FOXN4: variants seen among roughly 807,000 people sequenced by gnomAD.
The protein encoded by FOXN4 is forkhead box protein N4.
A neutral mutation model predicts 45.0 loss-of-function variants in FOXN4; 12 were observed. The ratio of observed to expected loss-of-function variants is 0.27; its 90% CI spans 0.17 to 0.43. The LOEUF (loss-of-function observed/expected upper bound fraction) is 0.43. Ranked by LOEUF, FOXN4 falls within the 20% of genes least tolerant of loss-of-function variation. The pLI, the probability that FOXN4 is intolerant of heterozygous loss-of-function variation, is 1.00. For missense variants in FOXN4, 560 were observed against 694.9 expected (o/e 0.81, Z 2.18); for synonymous variants, 297 against 295.0 (o/e 1.01, Z -0.07).
chr12:109,279,489 G>C lies in FOXN4; in HGVS notation c.*182C>G, dbSNP rs1432392435. On this transcript the variant is annotated 3_prime_UTR_variant, in exon 10 of 10. Coordinates refer to ENST00000299162, the MANE Select transcript of FOXN4 (RefSeq NM_213596.3). ...GAAACTGCTCCGGAAGCTCCAGGGGGAGGCACGAGAAGGAGAGGGGCTGCT... is the reference window on the plus strand; with the variant it reads ...GAAACTGCTCCGGAAGCTCCAGGGGCAGGCACGAGAAGGAGAGGGGCTGCT... 1 of 858,460 alleles carries C rather than the reference G, an allele frequency of 1.2e-6. No individual in the cohort carries two copies. The highest frequency in any genetic ancestry group is 1.7e-6 in the Non-Finnish European group (1 of 571,690). The allele number at this position is 858,460 out of a possible 1,614,324, so 53.2% of individuals were successfully genotyped here.
chr12:109,289,664 T>C (rs1405366355), intron 3 of FOXN4, among the ~76,000 whole-genome samples: 1 of 152,228 alleles, frequency 6.6e-6, no homozygotes, highest in African/African-American at 2.4e-5. Flanking sequence ...CTCAGCACTT[T>C]CCACACATTA....
At position 109,281,949 on chromosome 12, in the gene FOXN4, GAC is replaced by G. The variant is rs1484427388; in HGVS notation, c.902-152_902-151del. 2.6e-5 allele frequency: 23 copies of G among 898,412 alleles called. No homozygotes were observed. The African/African-American group carries it at 3.7e-4, about 14-fold the overall frequency. The allele number at this position is 898,412 out of a possible 1,614,324, so 55.7% of individuals were successfully genotyped here. The stretch of plus-strand genomic sequence containing the variant: ...ACCTCTGTCTCCTCACCTATGAAAT[GAC>G]ACAGGCATCATCTCATCTCACAACT... On this transcript the variant is annotated intron_variant, in intron 8 of 9. Transcript: ENST00000299162.
chr12:109,301,905 A>T (rs1338649103), intron 2 of FOXN4, among the ~76,000 whole-genome samples: 1 of 152,144 alleles, frequency 6.6e-6, no homozygotes, highest in Admixed American at 6.5e-5. Flanking sequence ...GCCCCAACAT[A>T]TCTTGCATTC....
intron 2 of FOXN4, among the ~76,000 whole-genome samples, chr12:109,307,891 G>T (rs866875593): frequency 1.3e-5 from 2 of 152,080 alleles, no homozygotes; most frequent in South Asian, 2.1e-4. Flanking sequence ...GGCAGGGGGT[G>T]GGGGAGCATT....
intron 6 of FOXN4, 122 bp from the exon 7 acceptor site, chr12:109,286,866 ACACT>A: frequency 4.8e-6 from 7 of 1,447,970 alleles, no homozygotes; most frequent in Non-Finnish European, 6.3e-6. Flanking sequence ...TTGACCCTAA[ACACT>A]CACACACAGT....
At position 109,279,287 on chromosome 12, in the gene FOXN4, G is replaced by A. The variant is rs1565995750; in HGVS notation, c.*384C>T. Reference sequence around the variant, plus strand: ...CCAGGGTGTTTCCTTAATGCACCAAGGTGTCCCAAAATGGGGTGCAGGTCA... The same window carrying A: ...CCAGGGTGTTTCCTTAATGCACCAAAGTGTCCCAAAATGGGGTGCAGGTCA... On this transcript the variant is annotated 3_prime_UTR_variant, in exon 10 of 10. Transcript: ENST00000299162. 7.0e-6 allele frequency: 2 copies of A among 283,828 alleles called. No individual in the cohort carries two copies. The highest frequency in any genetic ancestry group is 1.4e-5 in the Non-Finnish European group (2 of 146,712). 17.6% of individuals were successfully genotyped at this position (283,828 alleles called of 1,614,324 possible).
intron 8 of FOXN4, among the ~76,000 whole-genome samples, chr12:109,284,122 G>A (rs1033178775): frequency 1.3e-5 from 2 of 152,244 alleles, no homozygotes; most frequent in African/African-American, 4.8e-5. Flanking sequence ...AGCCCACACT[G>A]AGTGTTACTA....
chr12:109,291,730 C>T lies in FOXN4; in HGVS notation c.87-1444G>A, dbSNP rs551277255. On this transcript the variant is annotated intron_variant, in intron 2 of 9. Transcript: ENST00000299162. This position sits in a 1 kb window ranked among gnomAD's most constrained non-coding sequence, Gnocchi z 6.6. ...CATCAGGTGACTGCCTGGCTGCCCC[C>T]GCGATTGGCTGCCTCATAGGGAAAC... 7.2e-5 allele frequency among the ~76,000 whole-genome samples: 11 copies of T among 152,210 alleles called. 2 individuals carry two copies. Among genetic ancestry groups the T allele is most frequent in the African/African-American group, 1.7e-4 (7 of 41,542 alleles).
chr12:109,286,829 C>A (rs1017782125), intron 6 of FOXN4, 85 bp from the exon 7 acceptor site: 9 of 1,489,264 alleles, frequency 6.0e-6, no homozygotes, highest in Non-Finnish European at 8.0e-6. Flanking sequence ...CAGCCCAATG[C>A]CGCCTCTGCC....
chr12:109,285,273 G>GTGTGTA, intron 8 of FOXN4, 31 bp downstream of exon 8: 2 of 1,489,282 alleles, frequency 1.3e-6, no homozygotes, highest in Non-Finnish European at 1.8e-6. Context: ...GTGTGTGTGT[G>GTGTGTA]TGCGCGCACT....
At chr12:109,296,107 C>T (rs567829008) in intron 2 of FOXN4, among the ~76,000 whole-genome samples, 1 of 152,360 alleles carries the variant, frequency 6.6e-6, no homozygotes, top group East Asian at 1.9e-4. Context: ...TGTCTCCACC[C>T]TACTCACCTA....
chr12:109,307,342 TC>T (rs1352174539), intron 2 of FOXN4, among the ~76,000 whole-genome samples: 2 of 152,124 alleles, frequency 1.3e-5, no homozygotes, highest in Non-Finnish European at 2.9e-5. Flanking sequence ...CTGTGCCCCC[TC>T]AGCCTACAGA....
At chr12:109,299,931 AG>A (rs905790993) in intron 2 of FOXN4, among the ~76,000 whole-genome samples, 16 of 152,220 alleles carry the variant, frequency 1.1e-4, no homozygotes, top group South Asian at 2.1e-4. Context: ...GTGGTCACCC[AG>A]GTAGGCTTTG....
chr12:109,286,807 G>A (rs774915299), intron 6 of FOXN4, 63 bp from the exon 7 acceptor site: 3 of 1,534,248 alleles, frequency 2.0e-6, no homozygotes, highest in Non-Finnish European at 2.6e-6. Context: ...GCATGAAAGG[G>A]TCTCAGGCTG....
chr12:109,307,371 C>T (rs1166097437), intron 2 of FOXN4, among the ~76,000 whole-genome samples: 3 of 152,108 alleles, frequency 2.0e-5, no homozygotes, highest in Non-Finnish European at 4.4e-5. Flanking sequence ...CTTGCTCTGT[C>T]GGGGGAGCCC....
At chr12:109,282,778 A>G (rs1041282086) in intron 8 of FOXN4, among the ~76,000 whole-genome samples, 1 of 152,228 alleles carries the variant, frequency 6.6e-6, no homozygotes, top group African/African-American at 2.4e-5. Flanking sequence ...AGTGCAACAC[A>G]GGGTTGATAG....
intron 2 of FOXN4, among the ~76,000 whole-genome samples, chr12:109,294,780 C>T (rs2047801573): frequency 6.6e-6 from 1 of 151,496 alleles, no homozygotes; most frequent in African/African-American, 2.4e-5. Context: ...CCTGCCCACA[C>T]TGACCTCTGT....
chr12:109,281,275 G>A (rs550542673), intron 9 of FOXN4, 132 bp downstream of exon 9: 2 of 1,307,350 alleles, frequency 1.5e-6, no homozygotes, highest in East Asian at 2.4e-5. Context: ...TGTTCAACTT[G>A]TAAAGGTTGT....
At chr12:109,296,497 C>A (rs1033978531) in intron 2 of FOXN4, among the ~76,000 whole-genome samples, 1 of 152,224 alleles carries the variant, frequency 6.6e-6, no homozygotes, top group Non-Finnish European at 1.5e-5. Context: ...CTCTGAGCCC[C>A]AGGGAGCGCT....
Sources: gnomAD v4.1 joint callset for allele counts (sites outside exome capture counted in the v4.1 genomes callset) on GRCh38, gnomAD v4.1.1 for gene constraint, Gnocchi (gnomAD v3.1) non-coding constraint, MANE v1.5 for transcripts, NCBI Gene and HGNC (gene_info 2026-07-23, HGNC 2026-07-21) for gene names.